SPATA6: variants seen among roughly 807,000 people sequenced by gnomAD.
The protein encoded by SPATA6 is spermatogenesis-associated protein 6.
A neutral mutation model predicts 65.3 loss-of-function variants in SPATA6; 56 were observed. The observed-to-expected ratio is 0.86, with a 90% confidence interval of 0.69 to 1.07. SPATA6 has a LOEUF of 1.07. Among genes scored for constraint, SPATA6 ranks in the 50% least tolerant of loss-of-function variants. The probability of loss-of-function intolerance (pLI) is 0.00; values close to 1 mark genes in which losing one functional copy is unlikely to be tolerated. For synonymous variants in SPATA6, 199 were observed against 213.2 expected (o/e 0.93, Z 0.58); for missense variants, 590 against 594.8 (o/e 0.99, Z 0.08).
intron 11 of SPATA6, among the ~76,000 whole-genome samples, chr1:48,326,998 C>A (rs1645782058): frequency 6.6e-6 from 1 of 152,022 alleles, no homozygotes; most frequent in African/African-American, 2.4e-5. Context: ...CAAAAATAGA[C>A]AAATAGGACT....
At chr1:48,398,484 A>G (rs560669043) in intron 7 of SPATA6, among the ~76,000 whole-genome samples, 10 of 151,824 alleles carry the variant, frequency 6.6e-5, no homozygotes, top group Admixed American at 1.3e-4. Context: ...AGAAAAAATG[A>G]ATTAAAGACA....
chr1:48,341,152 TC>T (rs527480112), intron 11 of SPATA6, among the ~76,000 whole-genome samples: 159 of 152,266 alleles, frequency 1.0e-3, no homozygotes, highest in African/African-American at 3.7e-3. Flanking sequence ...CACTTTGAAA[TC>T]TTTTTGGCAT....
At chr1:48,412,097 T>G in intron 4 of SPATA6, among the ~76,000 whole-genome samples, 1 of 152,134 alleles carries the variant, frequency 6.6e-6, no homozygotes, top group Non-Finnish European at 1.5e-5. Context: ...CCTGACCTCA[T>G]GATCTGCCCA....
At chr1:48,282,405 A>T in the SPATA6 span, among the ~76,000 whole-genome samples, 8 of 152,148 alleles carry the variant, frequency 5.3e-5, no homozygotes, top group African/African-American at 1.9e-4. Flanking sequence ...GCAACCTACA[A>T]AATGGGAGAA....
intron 3 of SPATA6, among the ~76,000 whole-genome samples, chr1:48,434,447 C>T (rs1467510857): frequency 6.6e-6 from 1 of 152,084 alleles, no homozygotes; most frequent in Non-Finnish European, 1.5e-5. Flanking sequence ...TTAGCATACC[C>T]CTTTACTCTC....
chr1:48,357,148 T>G (rs1213479895), intron 10 of SPATA6, among the ~76,000 whole-genome samples: 1 of 152,158 alleles, frequency 6.6e-6, no homozygotes, highest in Non-Finnish European at 1.5e-5. Flanking sequence ...CTCAAAACTT[T>G]AAGCATGATT....
chr1:48,281,643 C>T, the SPATA6 span, among the ~76,000 whole-genome samples: 2 of 151,394 alleles, frequency 1.3e-5, no homozygotes, highest in Non-Finnish European at 2.9e-5. Flanking sequence ...TGAAGGACCT[C>T]TTCAAGGAGA....
chr1:48,300,748 G>A (rs1470769673), intron 12 of SPATA6, among the ~76,000 whole-genome samples: 2 of 151,834 alleles, frequency 1.3e-5, no homozygotes, highest in Middle Eastern at 6.3e-3. Context: ...ATGCAAGGAT[G>A]GTTCATCATG....
At chr1:48,464,667 A>G (rs1165669858) in intron 1 of SPATA6, among the ~76,000 whole-genome samples, 3 of 151,814 alleles carry the variant, frequency 2.0e-5, no homozygotes, top group Admixed American at 1.3e-4. Flanking sequence ...CAGACCATAC[A>G]AAATAGACAG....
intron 5 of SPATA6, among the ~76,000 whole-genome samples, chr1:48,411,099 AAGAGACAG>A (rs1652184478): frequency 6.6e-6 from 1 of 152,332 alleles, no homozygotes; most frequent in East Asian, 1.9e-4. Context: ...AAAGAGAAGA[AAGAGACAG>A]AGAGACAGAG....
chr1:48,403,910 C>A, intron 5 of SPATA6, 28 bp from the exon 6 acceptor site: 14 of 1,493,890 alleles, frequency 9.4e-6, no homozygotes, highest in Non-Finnish European at 1.3e-5. Flanking sequence ...GGTATTATTA[C>A]ACATTTCCAT....
chr1:48,359,631 T>G lies in SPATA6; in HGVS notation c.1049A>C (p.Lys350Thr). ...ATTTAACACAGGGCTTGGAGAATGC[T>G]TTGGCATTGTTGAGGGTGCTGAATG... is the stretch of plus-strand genomic sequence containing the variant. ...LVHSAPSTMP[K>T]HSPSPVLNRA... is the part of the protein sequence containing the mutation. Residue 350 changes from lysine to threonine, a missense_variant, in exon 10 of 13, where the codon AAG becomes ACG. Coordinates refer to ENST00000371847, the MANE Select transcript of SPATA6 (RefSeq NM_019073.4). 1.9e-6 allele frequency: 3 copies of G among 1,613,712 alleles called. No individual in the cohort carries two copies. The South Asian group carries it at 3.3e-5, about 18-fold the overall frequency.
chr1:48,413,042 A>G (rs1331726655), intron 4 of SPATA6, 68 bp downstream of exon 4: 3 of 445,608 alleles, frequency 6.7e-6, no homozygotes, highest in African/African-American at 2.1e-5. Flanking sequence ...TAATCAATAT[A>G]TAATATATTA....
At chr1:48,390,959 A>G (rs1649996119) in intron 8 of SPATA6, among the ~76,000 whole-genome samples, 2 of 152,206 alleles carry the variant, frequency 1.3e-5, no homozygotes, top group South Asian at 4.1e-4. Context: ...GTAAGATTCA[A>G]TTTACTTCAA....
At chr1:48,454,360 A>C (rs750345451) in intron 1 of SPATA6, among the ~76,000 whole-genome samples, 1 of 152,134 alleles carries the variant, frequency 6.6e-6, no homozygotes, top group Non-Finnish European at 1.5e-5. Flanking sequence ...AATATAATAC[A>C]ACGTAAGGAG....
chr1:48,381,049 T>C (rs545641001), intron 9 of SPATA6, among the ~76,000 whole-genome samples: 1 of 152,262 alleles, frequency 6.6e-6, no homozygotes, highest in East Asian at 1.9e-4. Flanking sequence ...AGATCCCTCA[T>C]ATGCACAGCA....
At chr1:48,355,490 C>T in intron 11 of SPATA6, 180 bp downstream of exon 11, 2 of 495,602 alleles carry the variant, frequency 4.0e-6, no homozygotes, top group Non-Finnish European at 7.4e-6. Context: ...TGCATAATGA[C>T]TTAGGTCAAG....
chr1:48,279,383 T>C, the SPATA6 span, among the ~76,000 whole-genome samples: 1 of 152,150 alleles, frequency 6.6e-6, no homozygotes, highest in African/African-American at 2.4e-5. Context: ...AGACACAGAC[T>C]GGCAAACAGG....
the SPATA6 span, among the ~76,000 whole-genome samples, chr1:48,261,466 AT>A: frequency 0.077 from 11,766 of 151,950 alleles, 617 homozygotes; most frequent in East Asian, 0.23. Context: ...ATGGCTAATA[AT>A]TTTTTTTACT....
Sources: allele counts gnomAD v4.1 joint callset (sites outside exome capture counted in the v4.1 genomes callset), GRCh38; gene constraint gnomAD v4.1.1; transcripts MANE v1.5; gene names NCBI Gene and HGNC (gene_info 2026-07-23, HGNC 2026-07-21).